The following DNAH9 variants were observed in gnomAD, a reference collection of about 807,000 sequenced individuals.
DNAH9 encodes DNAH9 variant protein.
A neutral mutation model predicts 471.6 loss-of-function variants in DNAH9; 345 were observed. That is an observed-to-expected ratio of 0.73 (90% confidence interval 0.67 to 0.80). DNAH9 has a LOEUF of 0.80. DNAH9 is among the 30% of genes least tolerant of loss of function. The probability of loss-of-function intolerance (pLI) is 0.00; values close to 1 mark genes in which losing one functional copy is unlikely to be tolerated. For synonymous variants in DNAH9, 2,093 were observed against 2,123.6 expected (o/e 0.99, Z 0.40); for missense variants, 5,407 against 5,609.2 (o/e 0.96, Z 1.15).
At chr17:11,780,916 C>G in intron 38 of DNAH9, 93 bp from the exon 39 acceptor site, 1 of 1,348,642 alleles carries the variant, frequency 7.4e-7, no homozygotes, top group South Asian at 1.4e-5. Context: ...CACATGAAGG[C>G]AGCACCATTG....
At chr17:11,690,519 C>G (rs1055473651) in intron 20 of DNAH9, 83 bp downstream of exon 20, 37 of 1,311,488 alleles carry the variant, frequency 2.8e-5, no homozygotes, top group Non-Finnish European at 5.2e-6. Context: ...ATTGTCTAGG[C>G]TCTTTCCTTT....
chr17:11,703,609 A>G (rs1161861384), intron 24 of DNAH9, among the ~76,000 whole-genome samples: 1 of 152,158 alleles, frequency 6.6e-6, no homozygotes, highest in Non-Finnish European at 1.5e-5. Flanking sequence ...TGCTTTTTCT[A>G]TTTATTTATT....
At chr17:11,941,414 A>G (rs1211534329) in intron 66 of DNAH9, among the ~76,000 whole-genome samples, 1 of 152,112 alleles carries the variant, frequency 6.6e-6, no homozygotes, top group Non-Finnish European at 1.5e-5. Flanking sequence ...CTCTGCTGAC[A>G]GACCTCCTGG....
intron 8 of DNAH9, among the ~76,000 whole-genome samples, chr17:11,633,674 T>C (rs1250099240): frequency 6.6e-6 from 1 of 152,204 alleles, no homozygotes; most frequent in Non-Finnish European, 1.5e-5. Context: ...TGCATGTGTC[T>C]ACAAAATGAT....
chr17:11,604,036 T>C (rs1020836336), intron 1 of DNAH9, among the ~76,000 whole-genome samples: 1 of 151,840 alleles, frequency 6.6e-6, no homozygotes, highest in African/African-American at 2.4e-5. Flanking sequence ...TCTTTTTTTT[T>C]TTTTGAGATG....
intron 48 of DNAH9, among the ~76,000 whole-genome samples, chr17:11,826,407 AATTACTAAG>A (rs57330160): frequency 0.61 from 88,140 of 145,470 alleles, 26,907 homozygotes; most frequent in East Asian, 0.64. Context: ...CACATTTAAA[AATTACTAAG>A]ATTACTAAGT....
intron 35 of DNAH9, among the ~76,000 whole-genome samples, chr17:11,759,511 ACAC>A (rs1354604703): frequency 7.0e-6 from 1 of 142,738 alleles, no homozygotes; most frequent in Non-Finnish European, 1.5e-5. Context: ...GTATATATAC[ACAC>A]CACTTTTTTT....
At chr17:11,871,549 A>T (rs747139679) in intron 51 of DNAH9, 49 bp from the exon 52 acceptor site, 3 of 1,558,066 alleles carry the variant, frequency 1.9e-6, no homozygotes, top group South Asian at 2.3e-5. Context: ...CGGCTCTATC[A>T]CCTACTGTGT....
chr17:11,822,062 G>A lies in DNAH9; in HGVS notation c.8850G>A (p.Lys2950=). The A allele has an allele frequency of 6.2e-7, 1 of 1,609,926 alleles. No homozygotes were observed. The highest frequency in any genetic ancestry group is 1.1e-5 in the South Asian group (1 of 90,284). ...FFIDRIRRQL[K]VTLCFSPVGN... ...TAGATCGGATCCGGCGACAGCTGAA[G>A]GTAAAGAGCATTTACTGACAGGGGC... is the stretch of plus-strand genomic sequence containing the variant. Residue 2950 remains lysine, a splice_region_variant and synonymous_variant, in exon 46 of 69, where the codon AAG becomes AAA. Coordinates refer to ENST00000262442, the MANE Select transcript of DNAH9 (RefSeq NM_001372.4).
At chr17:11,735,408 C>T (rs1368980638) in intron 28 of DNAH9, among the ~76,000 whole-genome samples, 1 of 151,946 alleles carries the variant, frequency 6.6e-6, no homozygotes, top group Non-Finnish European at 1.5e-5. Flanking sequence ...CATAGCTTTC[C>T]ATTTTTTTTT....
chr17:11,859,436 A>G (rs1006167859), intron 50 of DNAH9, among the ~76,000 whole-genome samples: 6 of 149,524 alleles, frequency 4.0e-5, no homozygotes, highest in African/African-American at 1.5e-4. Context: ...AAAAAAATGC[A>G]GTTACTTTTG....
chr17:11,611,802 C>G, intron 4 of DNAH9, 22 bp downstream of exon 4: 1 of 1,613,458 alleles, frequency 6.2e-7, no homozygotes, highest in Non-Finnish European at 8.5e-7. Flanking sequence ...CAAGTGTTTT[C>G]ACAAATGTGT....
chr17:11,902,045 G>C (rs2151012599), intron 59 of DNAH9, among the ~76,000 whole-genome samples: 1 of 152,344 alleles, frequency 6.6e-6, no homozygotes, highest in Non-Finnish European at 1.5e-5. Context: ...AAGAAAACAG[G>C]ACTTTACAGA....
rs1450696377 is a variant in DNAH9 at position 11,969,717 on chromosome 17, C to T, written c.*190C>T. 3.4e-6 allele frequency: 2 copies of T among 581,254 alleles called. No individual in the cohort carries two copies. The highest frequency in any genetic ancestry group is 2.9e-5 in the East Asian group (1 of 34,726). The allele number at this position is 581,254 out of a possible 1,614,324, so 36.0% of individuals were successfully genotyped here. On this transcript the variant is annotated 3_prime_UTR_variant, in exon 69 of 69. Coordinates refer to ENST00000262442, the MANE Select transcript of DNAH9 (RefSeq NM_001372.4). ...AGGCTGAGCTGAAGGAATGTGGGCC[C>T]AGGTTTCTTAATAAAATGATTTACT...
rs757057136 is a variant in DNAH9 at position 11,871,787 on chromosome 17, G to C, written c.10242+1G>C. 1.1e-5 allele frequency: 18 copies of C among 1,613,772 alleles called. No individual in the cohort carries two copies. In the Admixed American group the frequency reaches 2.8e-4, roughly 25 times the overall value. On this transcript the variant is annotated splice_donor_variant, in intron 52 of 68. Coordinates refer to ENST00000262442, the MANE Select transcript of DNAH9 (RefSeq NM_001372.4). LOFTEE classifies it high-confidence loss of function. ...GAGGCCCTACCTGAGCCAGCTGAAA[G>C]TACGTATGGCCTGAATTTCTCCCGA... is the stretch of plus-strand genomic sequence containing the variant.
At chr17:11,966,859 A>G (rs147945243) in intron 68 of DNAH9, among the ~76,000 whole-genome samples, 1,629 of 151,694 alleles carry the variant, frequency 0.011, 33 homozygotes, top group African/African-American at 0.037. Context: ...TCAGGAGTTC[A>G]AGACCAGCCT....
Position 11,711,433 on chromosome 17 carries a change from A to T in DNAH9, c.5552+6248A>T, listed in dbSNP as rs77067073. Among the ~76,000 whole-genome samples the T allele has an allele frequency of 1.6e-4, 24 of 152,206 alleles. No homozygotes were observed. In the East Asian group the frequency reaches 4.6e-3, roughly 29 times the overall value. ...AATCAGTTCTTCTTAATGATTTATG[A>T]TGTTTGCTCTACCATATTTGAAGTT... On this transcript the variant is annotated intron_variant, in intron 26 of 68. Transcript: ENST00000262442.
intron 48 of DNAH9, among the ~76,000 whole-genome samples, chr17:11,827,700 T>C (rs1184572609): frequency 2.1e-5 from 3 of 142,456 alleles, no homozygotes; most frequent in African/African-American, 7.8e-5. Flanking sequence ...TTTTTTTTTT[T>C]CTTGAGATGG....
chr17:11,785,119 T>C (rs1176887846), intron 41 of DNAH9, among the ~76,000 whole-genome samples: 2 of 152,066 alleles, frequency 1.3e-5, no homozygotes, highest in Admixed American at 6.6e-5. Context: ...TCTCTGCCTA[T>C]TGCTTCCAAT....
Sources: gnomAD v4.1 joint callset for allele counts (sites outside exome capture counted in the v4.1 genomes callset) on GRCh38, gnomAD v4.1.1 for gene constraint, MANE v1.5 for transcripts, NCBI Gene and HGNC (gene_info 2026-07-23, HGNC 2026-07-21) for gene names.